The following CNTNAP2 variants were observed in gnomAD, a reference collection of about 807,000 sequenced individuals.
The protein encoded by CNTNAP2 is contactin associated protein 2.
A neutral mutation model predicts 155.2 loss-of-function variants in CNTNAP2; 98 were observed. The ratio of observed to expected loss-of-function variants is 0.63; its 90% CI spans 0.54 to 0.75. The LOEUF is 0.75. CNTNAP2 is among the 30% of genes least tolerant of loss of function. The pLI is 0.00. For missense variants in CNTNAP2, 1,727 were observed against 1,688.1 expected, an observed-to-expected ratio of 1.02 and a Z score of -0.40; for synonymous variants, 651 against 631.2, an observed-to-expected ratio of 1.03 and a Z score of -0.47.
At chr7:146,976,176 A>G (rs903117451) in intron 3 of CNTNAP2, among the ~76,000 whole-genome samples, 2 of 152,206 alleles carry the variant, frequency 1.3e-5, no homozygotes, top group Non-Finnish European at 2.9e-5. Flanking sequence ...TAAAAACACA[A>G]ACTGTTTTCC....
At chr7:146,301,421 G>A (rs1800607912) in intron 1 of CNTNAP2, among the ~76,000 whole-genome samples, 1 of 151,974 alleles carries the variant, frequency 6.6e-6, no homozygotes, top group African/African-American at 2.4e-5. Context: ...TCAGGAGATC[G>A]AGACCATCAT....
intron 12 of CNTNAP2, among the ~76,000 whole-genome samples, chr7:147,596,437 CAG>C (rs1379632608): frequency 1.3e-5 from 2 of 152,176 alleles, no homozygotes; most frequent in Non-Finnish European, 2.9e-5. Context: ...ATGTAACAGA[CAG>C]AGTGATCTTT....
chr7:147,984,641 G>T (rs931619020), intron 15 of CNTNAP2, among the ~76,000 whole-genome samples: 2 of 151,986 alleles, frequency 1.3e-5, no homozygotes, highest in Non-Finnish European at 2.9e-5. Context: ...CCTGTGAAGG[G>T]TCACTGAAAA....
chr7:146,461,322 G>C (rs1036567381), intron 1 of CNTNAP2, among the ~76,000 whole-genome samples: 3 of 151,470 alleles, frequency 2.0e-5, no homozygotes, highest in African/African-American at 7.3e-5. Flanking sequence ...GGACAATGGC[G>C]TGAACCCGGG....
intron 16 of CNTNAP2, among the ~76,000 whole-genome samples, chr7:148,132,313 G>A (rs2116629814): frequency 6.6e-6 from 1 of 152,052 alleles, no homozygotes; most frequent in South Asian, 2.1e-4. Context: ...TGTGGTCACA[G>A]TAAAAATATA....
In CNTNAP2 at chr7:146,984,387, AG is replaced by A. The variant is rs1798077469; in HGVS notation, c.403-59519del. On this transcript the variant is annotated intron_variant, in intron 3 of 23. Coordinates refer to ENST00000361727, the MANE Select transcript of CNTNAP2 (RefSeq NM_014141.6). The stretch of plus-strand genomic sequence containing the variant: ...CATCTCAAAAAAAAAAAAAAAAAAA[AG>A]ATTTCTTAACCTGCTTTTCCCTCCG... Among the ~76,000 whole-genome samples the A allele has an allele frequency of 1.1e-4, 17 of 148,654 alleles. No homozygotes were observed. The South Asian group carries it at 3.4e-3, about 30-fold the overall frequency.
At chr7:148,277,254 C>A (rs570107087) in intron 21 of CNTNAP2, among the ~76,000 whole-genome samples, 5 of 152,264 alleles carry the variant, frequency 3.3e-5, no homozygotes, top group African/African-American at 1.2e-4. Context: ...TCCCTGAGTG[C>A]TCTTCTGGCC....
At chr7:147,580,210 T>C (rs1800472799) in intron 12 of CNTNAP2, among the ~76,000 whole-genome samples, 1 of 152,190 alleles carries the variant, frequency 6.6e-6, no homozygotes. Context: ...CTATGTTTTA[T>C]ATTCCTTCCC....
At chr7:147,546,366 A>C (rs1325333273) in intron 11 of CNTNAP2, among the ~76,000 whole-genome samples, 1 of 152,222 alleles carries the variant, frequency 6.6e-6, no homozygotes, top group Non-Finnish European at 1.5e-5. Flanking sequence ...GATAGAGTGA[A>C]GTTACTTACT....
chr7:147,212,600 A>G (rs1803173413), intron 8 of CNTNAP2, among the ~76,000 whole-genome samples: 1 of 152,114 alleles, frequency 6.6e-6, no homozygotes, highest in Admixed American at 6.6e-5. Flanking sequence ...AGAGGTAGGG[A>G]TGTGGAGAAG....
intron 12 of CNTNAP2, among the ~76,000 whole-genome samples, chr7:147,617,781 A>G (rs924500359): frequency 4.6e-5 from 7 of 152,202 alleles, no homozygotes; most frequent in Admixed American, 1.3e-4. Context: ...ATTCTCTAAT[A>G]GAAGAAAGTC....
chr7:146,969,300 G>A (rs1209048576), intron 3 of CNTNAP2, among the ~76,000 whole-genome samples: 1 of 152,156 alleles, frequency 6.6e-6, no homozygotes, highest in African/African-American at 2.4e-5. Context: ...GATTTGGGGT[G>A]GAGAGGTCTG....
At chr7:147,066,546 G>T (rs1799782562) in intron 4 of CNTNAP2, among the ~76,000 whole-genome samples, 1 of 152,200 alleles carries the variant, frequency 6.6e-6, no homozygotes, top group Non-Finnish European at 1.5e-5. Context: ...CCTTACAGGA[G>T]ATTTTAAGTT....
At chr7:146,877,864 A>G (rs547103779) in intron 3 of CNTNAP2, among the ~76,000 whole-genome samples, 1 of 152,166 alleles carries the variant, frequency 6.6e-6, no homozygotes, top group South Asian at 2.1e-4. Context: ...GAAAACTATG[A>G]ATTATTTTCA....
chr7:147,414,223 G>C (rs552647413), intron 10 of CNTNAP2, among the ~76,000 whole-genome samples: 3 of 151,884 alleles, frequency 2.0e-5, no homozygotes, highest in Non-Finnish European at 2.9e-5. Flanking sequence ...TCAGGAGTTC[G>C]AGACCAGCTT....
chr7:147,397,939 C>A (rs1796846932), intron 10 of CNTNAP2, among the ~76,000 whole-genome samples: 1 of 151,856 alleles, frequency 6.6e-6, no homozygotes, highest in Non-Finnish European at 1.5e-5. Context: ...TTTTCTAAAC[C>A]CATTATGGGA....
chr7:147,837,504 C>G (rs1563106293), intron 13 of CNTNAP2, among the ~76,000 whole-genome samples: 2 of 152,104 alleles, frequency 1.3e-5, no homozygotes, highest in Non-Finnish European at 2.9e-5. Context: ...CCTCTCATTT[C>G]AAAACCAATT....
intron 11 of CNTNAP2, among the ~76,000 whole-genome samples, chr7:147,491,906 A>T (rs1287647985): frequency 6.6e-6 from 1 of 152,194 alleles, no homozygotes; most frequent in Non-Finnish European, 1.5e-5. Flanking sequence ...GGAATTTAGG[A>T]TATTAGCAAA....
intron 10 of CNTNAP2, among the ~76,000 whole-genome samples, chr7:147,416,811 A>G (rs1446814604): frequency 1.3e-5 from 2 of 152,090 alleles, no homozygotes; most frequent in Non-Finnish European, 2.9e-5. Context: ...TTAATTTTAG[A>G]GGCCGTGTGC....
Sources: allele counts gnomAD v4.1 joint callset (sites outside exome capture counted in the v4.1 genomes callset), GRCh38; gene constraint gnomAD v4.1.1; transcripts MANE v1.5; gene names NCBI Gene and HGNC (gene_info 2026-07-23, HGNC 2026-07-21).